SPOCK1: variants seen among roughly 807,000 people sequenced by gnomAD.
SPOCK1 encodes SPARC (osteonectin), cwcv and kazal like domains proteoglycan 1.
SPOCK1 carries 23 observed loss-of-function variants against 55.3 expected under a neutral mutation model. That is an observed-to-expected ratio of 0.42 (90% CI 0.30 to 0.59). The LOEUF is 0.59. Among genes scored for constraint, SPOCK1 ranks in the 20% least tolerant of loss-of-function variants. The probability of loss-of-function intolerance (pLI) is 0.22; values close to 1 mark genes in which losing one functional copy is unlikely to be tolerated. For synonymous variants in SPOCK1, 226 were observed against 221.0 expected (o/e 1.02, Z -0.20); for missense variants, 499 against 552.5 (o/e 0.90, Z 0.97).
At position 137,307,154 on chromosome 5, in the gene SPOCK1, T is replaced by C. The variant is rs557990020; in HGVS notation, c.187-40099A>G. Among the ~76,000 whole-genome samples, 13 of 152,354 alleles carry C rather than the reference T, an allele frequency of 8.5e-5. No individual in the cohort carries two copies. In the East Asian group the frequency reaches 1.9e-3, roughly 23 times the overall value. Reference sequence around the variant, plus strand: ...ATATCCAACGCCCAGTAAATATTTGTTAAGTTTCCACACACTAGGAGATAA... The same window carrying C: ...ATATCCAACGCCCAGTAAATATTTGCTAAGTTTCCACACACTAGGAGATAA... On this transcript the variant is annotated intron_variant, in intron 2 of 10. Coordinates refer to ENST00000394945, the MANE Select transcript of SPOCK1 (RefSeq NM_004598.4).
At chr5:137,258,151 A>G (rs1196724831) in intron 3 of SPOCK1, among the ~76,000 whole-genome samples, 2 of 152,318 alleles carry the variant, frequency 1.3e-5, no homozygotes, top group African/African-American at 4.8e-5. Context: ...CTCATGCCAC[A>G]TGTGTAATAA....
At chr5:137,258,793 C>T (rs1756688067) in intron 3 of SPOCK1, among the ~76,000 whole-genome samples, 1 of 152,148 alleles carries the variant, frequency 6.6e-6, no homozygotes, top group African/African-American at 2.4e-5. Flanking sequence ...TATTAGAAAG[C>T]TGCAGTGCCC....
chr5:137,010,475 A>C (rs913606305), intron 6 of SPOCK1, among the ~76,000 whole-genome samples: 1 of 151,946 alleles, frequency 6.6e-6, no homozygotes, highest in African/African-American at 2.4e-5. Context: ...ATGATGTAGC[A>C]CAGATAAAAA....
chr5:137,000,614 G>A (rs1434547747), intron 6 of SPOCK1, among the ~76,000 whole-genome samples: 1 of 152,210 alleles, frequency 6.6e-6, no homozygotes, highest in Non-Finnish European at 1.5e-5. Context: ...TGCCATGGGA[G>A]CATGAATGTG....
In SPOCK1 at chr5:137,267,013, G is replaced by C. The variant is rs771559184; in HGVS notation, c.229C>G (p.Gln77Glu). 21 of 1,612,020 alleles carry C rather than the reference G, an allele frequency of 1.3e-5. No individual in the cohort carries two copies. Among genetic ancestry groups the C allele is most frequent in the Non-Finnish European group, 1.8e-5 (21 of 1,178,414 alleles). Residue 77 changes from glutamine (Q) to glutamate (E), a missense_variant, in exon 3 of 11, where the codon CAA becomes GAA. Coordinates refer to ENST00000394945, the MANE Select transcript of SPOCK1 (RefSeq NM_004598.4). Reference sequence around the variant, plus strand: ...CAAGAAATATTGCATCCATTACCTTGGTCAAAGGGCTTGTTGGGATTCCAG... The same window carrying C: ...CAAGAAATATTGCATCCATTACCTTCGTCAAAGGGCTTGTTGGGATTCCAG... ...RNWNPNKPFD[Q>E]ALDPSKDPCL...
chr5:137,356,836 T>TAGAGAGAGAGAGAGAGAGAG (rs1352078666), intron 2 of SPOCK1, among the ~76,000 whole-genome samples: 3 of 8,776 alleles, frequency 3.4e-4, no homozygotes, highest in African/African-American at 9.7e-4. Context: ...TATATATATA[T>TAGAGAGAGAGAGAGAGAGAG]ATAGAGAGAG....
intron 6 of SPOCK1, among the ~76,000 whole-genome samples, chr5:137,009,916 C>T (rs541803052): frequency 6.6e-6 from 1 of 152,252 alleles, no homozygotes; most frequent in East Asian, 1.9e-4. Context: ...TTTCCCTCCA[C>T]TGAGTTGGTG....
intron 5 of SPOCK1, among the ~76,000 whole-genome samples, chr5:137,104,981 A>T (rs1168732362): frequency 1.3e-5 from 2 of 152,152 alleles, no homozygotes; most frequent in African/African-American, 4.8e-5. Flanking sequence ...GTGCCAAAAA[A>T]GTTGGGGACC....
chr5:137,076,128 G>A (rs116660916), intron 5 of SPOCK1, among the ~76,000 whole-genome samples: 3,833 of 152,204 alleles, frequency 0.025, 175 homozygotes, highest in African/African-American at 0.088. Flanking sequence ...GCAGCAGAGA[G>A]CCCAGACCCG....
intron 6 of SPOCK1, among the ~76,000 whole-genome samples, chr5:137,026,483 A>C (rs1751676793): frequency 6.6e-6 from 1 of 152,194 alleles, no homozygotes; most frequent in African/African-American, 2.4e-5. Context: ...TTTGGGCTTG[A>C]AGTGCAGCAT....
At chr5:136,979,241 C>G in intron 10 of SPOCK1, 91 bp downstream of exon 10, 4 of 1,547,294 alleles carry the variant, frequency 2.6e-6, no homozygotes, top group Non-Finnish European at 2.6e-6. Flanking sequence ...CTGGAGTTAC[C>G]TCTCAACATT....
intron 2 of SPOCK1, among the ~76,000 whole-genome samples, chr5:137,317,932 C>T (rs1336515355): frequency 2.0e-5 from 3 of 152,176 alleles, no homozygotes; most frequent in African/African-American, 7.2e-5. Context: ...TTTTTGTAAG[C>T]TGTACCCAGT....
chr5:137,070,781 A>G (rs1416489573), intron 5 of SPOCK1, among the ~76,000 whole-genome samples: 1 of 152,038 alleles, frequency 6.6e-6, no homozygotes, highest in East Asian at 1.9e-4. Flanking sequence ...TGTGGACTGT[A>G]ATTCCTGGAA....
chr5:137,087,155 C>A (rs1172290825), intron 5 of SPOCK1, among the ~76,000 whole-genome samples: 3 of 152,172 alleles, frequency 2.0e-5, no homozygotes, highest in African/African-American at 7.2e-5. Flanking sequence ...GTGAAGGGAG[C>A]CAGGCACAGT....
intron 3 of SPOCK1, among the ~76,000 whole-genome samples, chr5:137,199,700 C>T (rs557016322): frequency 6.6e-5 from 10 of 152,238 alleles, no homozygotes; most frequent in African/African-American, 1.9e-4. Flanking sequence ...TGTCAGAGAA[C>T]CCAGTTTTTA....
chr5:137,131,363 A>T (rs1753872200), intron 4 of SPOCK1, among the ~76,000 whole-genome samples: 1 of 152,226 alleles, frequency 6.6e-6, no homozygotes, highest in Non-Finnish European at 1.5e-5. Flanking sequence ...TAATCCCAGC[A>T]CTGTGGGAGG....
chr5:137,330,621 A>G (rs922060009), intron 2 of SPOCK1, among the ~76,000 whole-genome samples: 9 of 152,368 alleles, frequency 5.9e-5, no homozygotes, highest in Non-Finnish European at 4.4e-5. Context: ...CAACAAATAC[A>G]TATTGACAAA....
At chr5:136,988,867 G>C in intron 7 of SPOCK1, 1 of 439,242 alleles carries the variant, frequency 2.3e-6, no homozygotes, top group Admixed American at 3.9e-5. Flanking sequence ...AGGAAAATAT[G>C]TTCTAAAGGG....
chr5:137,219,763 A>C (rs1231099950), intron 3 of SPOCK1, among the ~76,000 whole-genome samples: 1 of 152,198 alleles, frequency 6.6e-6, no homozygotes, highest in Non-Finnish European at 1.5e-5. Flanking sequence ...TAGGAAGCTG[A>C]GGTCTTGGCC....
Sources: gnomAD v4.1 joint callset for allele counts (sites outside exome capture counted in the v4.1 genomes callset) on GRCh38, gnomAD v4.1.1 for gene constraint, MANE v1.5 for transcripts, NCBI Gene and HGNC (gene_info 2026-07-23, HGNC 2026-07-21) for gene names.